Variants in PLD4 observed in about 807,000 individuals in gnomAD.
PLD4 encodes phospholipase D family member 4.
Under a neutral mutation model 52.3 loss-of-function variants are expected in PLD4, and 54 were observed. The observed-to-expected ratio is 1.03, with a 90% CI of 0.83 to 1.30. The LOEUF (loss-of-function observed/expected upper bound fraction) is 1.30. PLD4 is among the 50% of genes most tolerant of loss of function. The pLI, the probability that PLD4 is intolerant of heterozygous loss-of-function variation, is 0.00. For synonymous variants in PLD4, 264 were observed against 286.5 expected (o/e 0.92, Z 0.79); for missense variants, 731 against 671.1 (o/e 1.09, Z -0.99).
intron 6 of PLD4, 88 bp from the exon 7 acceptor site, chr14:104,930,628 GGGACCAGTCGGGCAGGGACTGCACCT>G: frequency 9.0e-7 from 1 of 1,108,544 alleles, no homozygotes; most frequent in Non-Finnish European, 1.3e-6. Flanking sequence ...CCCGCAAGTG[GGGACCAGTCGGGCAGGGACTGCACCT>G]GCCCCAACAT....
In PLD4 at chr14:104,928,786, T is replaced by A. The variant is rs1213194766; in HGVS notation, c.322T>A (p.Ser108Thr). 1 of 1,606,180 alleles carries A rather than the reference T, an allele frequency of 6.2e-7. No homozygotes were observed. The highest frequency in any genetic ancestry group is 1.7e-5 in the Admixed American group (1 of 59,774). The change falls in exon 4 of 11, where the codon TCT becomes ACT. Residue 108 changes from serine to threonine, a missense_variant. Transcript: ENST00000392593. ...GGAAAGCATCCCCCAGGACCTGCCA[T>A]CTGCAGCCGGCAGCCCCTCTGCCCA... is the stretch of plus-strand genomic sequence containing the variant. Reference protein sequence around the residue: ...LVESIPQDLPSAAGSPSAQPL... With the variant: ...LVESIPQDLPTAAGSPSAQPL...
chr14:104,930,900 C>G lies in PLD4; in HGVS notation c.876C>G (p.Phe292Leu). ...CTCACTTCAACCGTTTCCAGCCCTTCCACGGCCTCTTTGATGGGGTGCCCA... is the reference window on the plus strand; with the variant it reads ...CTCACTTCAACCGTTTCCAGCCCTTGCACGGCCTCTTTGATGGGGTGCCCA... ...FSSHFNRFQPFHGLFDGVPTT... is the reference protein window; with the variant it reads ...FSSHFNRFQPLHGLFDGVPTT... Residue 292 changes from phenylalanine (F) to leucine (L), a missense_variant, in exon 7 of 11, where the codon TTC becomes TTG. By Grantham distance (22) the Phe-to-Leu change is conservative. Coordinates refer to ENST00000392593, the MANE Select transcript of PLD4 (RefSeq NM_138790.5). 1 of 1,613,528 alleles carries G rather than the reference C, an allele frequency of 6.2e-7. No individual in the cohort carries two copies. Among genetic ancestry groups the G allele is most frequent in the South Asian group, 1.1e-5 (1 of 91,088 alleles).
Position 104,930,950 on chromosome 14 carries a change from G to T in PLD4, c.918+8G>T. 1.2e-6 allele frequency: 2 copies of T among 1,611,730 alleles called. No individual in the cohort carries two copies. Among genetic ancestry groups the T allele is most frequent in the Non-Finnish European group, 1.7e-6 (2 of 1,178,748 alleles). On this transcript the variant is annotated splice_region_variant and intron_variant, in intron 7 of 10. Coordinates refer to ENST00000392593, the MANE Select transcript of PLD4 (RefSeq NM_138790.5). ...ACCACTGCCTACTTCTCAGTAAGACGGGTTGAGAAGGAGCCCATCAGAGGC... is the reference window on the plus strand; with the variant it reads ...ACCACTGCCTACTTCTCAGTAAGACTGGTTGAGAAGGAGCCCATCAGAGGC...
chr14:104,929,275 G>A (rs1344539677), intron 4 of PLD4, 32 bp from the exon 5 acceptor site: 1 of 1,581,868 alleles, frequency 6.3e-7, no homozygotes, highest in Non-Finnish European at 8.6e-7. Flanking sequence ...GGCAGCCTGA[G>A]GTCAGCTCTC....
In PLD4 at chr14:104,932,844, G is replaced by C. The variant is rs1487355522; in HGVS notation, c.1401G>C (p.Gln467His). 2 of 1,604,480 alleles carry C rather than the reference G, an allele frequency of 1.2e-6. No individual in the cohort carries two copies. Among genetic ancestry groups the C allele is most frequent in the South Asian group, 1.1e-5 (1 of 89,556 alleles). Residue 467 changes from glutamine (Q) to histidine (H), a missense_variant, in exon 11 of 11, where the codon CAG (glutamine) becomes CAC (histidine). Gln to His is a conservative substitution (Grantham distance 24). Transcript: ENST00000392593. This position sits in a 1 kb window ranked among gnomAD's most constrained non-coding sequence, Gnocchi z 6.5. The part of the protein sequence containing the change: ...GLVVTQSPGA[Q>H]PAGATVQEQL... ...TGGTCACCCAGAGCCCTGGCGCGCA[G>C]CCCGCGGGGGCCACGGTGCAGGAGC...
At chr14:104,931,025 C>G in intron 7 of PLD4, 83 bp downstream of exon 7, 2 of 1,472,770 alleles carry the variant, frequency 1.4e-6, no homozygotes. Context: ...TCTGGGCTGG[C>G]CCTGCAGACA....
At chr14:104,925,742 G>A (rs1030036950) in intron 1 of PLD4, among the ~76,000 whole-genome samples, 8 of 152,060 alleles carry the variant, frequency 5.3e-5, no homozygotes, top group Non-Finnish European at 8.8e-5. Context: ...GTGGGGACAC[G>A]GTGGGCACCC....
Position 104,929,428 on chromosome 14 carries a change from G to GT in PLD4, c.589+2dup. 1 of 1,554,604 alleles carries GT rather than the reference G, an allele frequency of 6.4e-7. No individual in the cohort carries two copies. The highest frequency in any genetic ancestry group is 8.7e-7 in the Non-Finnish European group (1 of 1,149,324). ...GACCTGCAGGTTCTGGCTGCCCGAG[G>GT]TGGGTACCTGCACCATGCTGGGCAC... is the stretch of plus-strand genomic sequence containing the variant. On this transcript the variant is annotated splice_donor_variant, in intron 5 of 10. Transcript: ENST00000392593. LOFTEE classifies it high-confidence loss of function.
downstream of PLD4, chr14:104,937,759 T>C (rs1897847246): frequency 3.0e-6 from 1 of 335,914 alleles, no homozygotes; most frequent in Non-Finnish European, 5.4e-6. Context: ...TGGAAATTTA[T>C]CTAATAAAGA....
At chr14:104,927,956 G>C in intron 3 of PLD4, 90 bp downstream of exon 3, 2 of 1,361,860 alleles carry the variant, frequency 1.5e-6, no homozygotes, top group South Asian at 3.0e-5. Context: ...GTGAGATAAG[G>C]GGGGCCCTCT....
At position 104,932,609 on chromosome 14, in the gene PLD4, G is replaced by A. The variant is rs1314820892; in HGVS notation, c.1322-156G>A. On this transcript the variant is annotated intron_variant, in intron 10 of 10. Coordinates refer to ENST00000392593, the MANE Select transcript of PLD4 (RefSeq NM_138790.5). The surrounding 1 kb of genome is among the most constrained non-coding windows in gnomAD (Gnocchi z 6.5). ...TCTACCGCGACCAGCTGTCCCTCCC[G>A]CACCTAAGCGAGGGGCTTCCCCGGC... Among the ~76,000 whole-genome samples, 1 of 152,202 alleles carries A rather than the reference G, an allele frequency of 6.6e-6. No individual in the cohort carries two copies. Among genetic ancestry groups the A allele is most frequent in the Admixed American group, 6.5e-5 (1 of 15,288 alleles).
At position 104,932,765 on chromosome 14, in the gene PLD4, G is replaced by C. The variant is rs1028449265; in HGVS notation, c.1322G>C (p.Gly441Ala). 2.8e-5 allele frequency: 44 copies of C among 1,560,674 alleles called. No individual in the cohort carries two copies. The highest frequency in any genetic ancestry group is 3.7e-5 in the Non-Finnish European group (43 of 1,150,298). The change falls in exon 11 of 11, where the codon GGC (glycine) becomes GCC (alanine). Residue 441 changes from glycine to alanine, a missense_variant and splice_region_variant. Transcript: ENST00000392593. This position sits in a 1 kb window ranked among gnomAD's most constrained non-coding sequence, Gnocchi z 6.5. ...AGTGTCTCCTCCATCCTCCCCGCAG[G>C]CACCTCCAACTGGTCGGAGGATTAC... is the stretch of plus-strand genomic sequence containing the variant. ...FMVTEKAAYI[G>A]TSNWSEDYFS...
In PLD4 at chr14:104,927,653, G is replaced by A. The variant is rs772990307; in HGVS notation, c.91-20G>A. The stretch of plus-strand genomic sequence containing the variant: ...AAGCCCCGCCCTGTCTGGTGACCCT[G>A]CGGGTGCTGCCCCATCCAGTTGCAG... On this transcript the variant is annotated intron_variant, in intron 2 of 10. Transcript: ENST00000392593. The A allele has an allele frequency of 6.4e-7, 1 of 1,550,638 alleles. No individual in the cohort carries two copies. The highest frequency in any genetic ancestry group is 2.4e-5 in the East Asian group (1 of 42,442).
chr14:104,931,877 C>A lies in PLD4; in HGVS notation c.1048C>A (p.His350Asn). 6.5e-7 allele frequency: 1 copy of A among 1,540,644 alleles called. No homozygotes were observed. The highest frequency in any genetic ancestry group is 2.3e-5 in the East Asian group (1 of 43,442). The change falls in exon 8 of 11, where the codon CAC becomes AAC. Residue 350 changes from histidine (H) to asparagine (N), a missense_variant. Transcript: ENST00000392593. ...GTATTTCCCCACCACGCGCTTCAGC[C>A]ACCCCCCGAGGTAGGTCTGAGTGGG... ...MEYFPTTRFS[H>N]PPRYWPVLDN...
intron 2 of PLD4, 105 bp from the exon 3 acceptor site, chr14:104,927,568 G>A (rs1897496923): frequency 7.7e-7 from 1 of 1,297,908 alleles, no homozygotes; most frequent in East Asian, 2.6e-5. Context: ...CCCAGGTCCG[G>A]GAAGTCAAGA....
intron 2 of PLD4, 82 bp downstream of exon 2, chr14:104,927,312 A>G: frequency 8.1e-7 from 1 of 1,236,708 alleles, no homozygotes; most frequent in Non-Finnish European, 1.1e-6. Context: ...AGAGGTCACA[A>G]GCAGCCTTGA....
chr14:104,926,215 G>A (rs1425395988), intron 1 of PLD4, among the ~76,000 whole-genome samples: 1 of 152,140 alleles, frequency 6.6e-6, no homozygotes, highest in African/African-American at 2.4e-5. Context: ...CCAGCCAGGG[G>A]CCAGCCAGCT....
Position 104,932,963 on chromosome 14 carries a change from G to A in PLD4, c.1520G>A (p.Ter507=), listed in dbSNP as rs766114726. The part of the protein sequence containing the change: ...APGQDCVWQG[*] ...GGCCAGGACTGCGTTTGGCAGGGCT[G>A]AGGGGGGCCTCTTTTTCTCTCGGCG... Residue 507 remains the stop codon, a stop_retained_variant, in exon 11 of 11, where the codon TGA becomes TAA. Transcript: ENST00000392593. This position sits in a 1 kb window ranked among gnomAD's most constrained non-coding sequence, Gnocchi z 6.5. The A allele has an allele frequency of 1.0e-4, 158 of 1,578,270 alleles. No homozygotes were observed. Among genetic ancestry groups the A allele is most frequent in the Middle Eastern group, 1.8e-4 (1 of 5,478 alleles).
chr14:104,931,541 T>G (rs572703765), intron 7 of PLD4, among the ~76,000 whole-genome samples: 6 of 152,242 alleles, frequency 3.9e-5, no homozygotes, highest in African/African-American at 1.4e-4. Flanking sequence ...CCCAGGGCAG[T>G]CCAGCTGCTT....
Sources: gnomAD v4.1 joint callset for allele counts (sites outside exome capture counted in the v4.1 genomes callset) on GRCh38, gnomAD v4.1.1 for gene constraint, Gnocchi (gnomAD v3.1) non-coding constraint, MANE v1.5 for transcripts, NCBI Gene and HGNC (gene_info 2026-07-23, HGNC 2026-07-21) for gene names.